The following ZNF469 variants were observed in gnomAD, a reference collection of about 807,000 sequenced individuals.
ZNF469 encodes the protein zinc finger protein 469.
Under a neutral mutation model 1.0 loss-of-function variants are expected in ZNF469, and 1 was observed. That is an observed-to-expected ratio of 1.00 (90% CI 0.35 to 4.73). The LOEUF is 4.73. ZNF469 is among the 30% of genes most tolerant of loss of function. ZNF469 has a pLI of 0.16. For missense variants in ZNF469, 6,100 were observed against 5,356.3 expected (o/e 1.14, Z -4.33); for synonymous variants, 2,703 against 2,363.4 (o/e 1.14, Z -4.17).
the ZNF469 span, among the ~76,000 whole-genome samples, chr16:88,242,637 T>C: frequency 1.8e-4 from 27 of 152,344 alleles, 1 homozygote; most frequent in East Asian, 7.7e-4. Context: ...CCAGAGCAGA[T>C]GGGAGGAAGC....
the ZNF469 span, among the ~76,000 whole-genome samples, chr16:88,283,598 G>A: frequency 6.6e-6 from 1 of 152,224 alleles, no homozygotes; most frequent in East Asian, 1.9e-4. Flanking sequence ...CTAGGTGGTG[G>A]GTTGGGGGTA....
intron 1 of ZNF469, among the ~76,000 whole-genome samples, chr16:88,411,547 TG>T (rs1905168711): frequency 7.5e-6 from 1 of 134,202 alleles, no homozygotes; most frequent in South Asian, 2.2e-4. Context: ...GGTGTGAGCA[TG>T]GCTCTCCCGC....
chr16:88,402,325 A>G (rs977038726), intron 1 of ZNF469, among the ~76,000 whole-genome samples: 10 of 152,144 alleles, frequency 6.6e-5, no homozygotes, highest in Admixed American at 6.5e-5. Flanking sequence ...CAGGAAGCAG[A>G]TTCACCCAGG....
At chr16:88,162,580 A>G in the ZNF469 span, among the ~76,000 whole-genome samples, 1 of 152,250 alleles carries the variant, frequency 6.6e-6, no homozygotes, top group Non-Finnish European at 1.5e-5. Context: ...GAACTGTTTT[A>G]TAAGTCTGCC....
At chr16:88,354,912 C>T in the ZNF469 span, among the ~76,000 whole-genome samples, 1 of 152,176 alleles carries the variant, frequency 6.6e-6, no homozygotes, top group South Asian at 2.1e-4. Context: ...GGAGTCGAGT[C>T]GAGTCCAGGG....
intron 1 of ZNF469, among the ~76,000 whole-genome samples, chr16:88,398,128 C>G (rs925398532): frequency 6.6e-6 from 1 of 152,270 alleles, no homozygotes; most frequent in Non-Finnish European, 1.5e-5. Context: ...CCTCTGATCC[C>G]TGCTCCCTGC....
the ZNF469 span, among the ~76,000 whole-genome samples, chr16:88,185,135 AC>A: frequency 2.6e-5 from 1 of 38,588 alleles, no homozygotes; most frequent in African/African-American, 5.6e-5. Flanking sequence ...ATATCCAGAC[AC>A]CCATGTGCAC....
chr16:88,161,421 A>G, the ZNF469 span, among the ~76,000 whole-genome samples: 1 of 152,196 alleles, frequency 6.6e-6, no homozygotes, highest in African/African-American at 2.4e-5. Flanking sequence ...GTAGAAGCGG[A>G]TGTTTCAGGA....
the ZNF469 span, among the ~76,000 whole-genome samples, chr16:88,257,856 G>C: frequency 7.9e-5 from 12 of 152,134 alleles, no homozygotes; most frequent in Non-Finnish European, 8.8e-5. Flanking sequence ...TGGAAACTGA[G>C]TTATGTATGA....
the ZNF469 span, among the ~76,000 whole-genome samples, chr16:88,244,096 G>T: frequency 6.8e-6 from 1 of 146,712 alleles, no homozygotes. Flanking sequence ...TAGGTAGATG[G>T]CTGAATGGGT....
chr16:88,310,693 C>A, the ZNF469 span, among the ~76,000 whole-genome samples: 1 of 152,272 alleles, frequency 6.6e-6, no homozygotes, highest in South Asian at 2.1e-4. Context: ...AGCGATTCTC[C>A]TGCCTCAACC....
the ZNF469 span, among the ~76,000 whole-genome samples, chr16:88,193,138 GTGATGGTGGTGGGGA>G: frequency 0.71 from 47,946 of 67,286 alleles, 18,592 homozygotes; most frequent in East Asian, 0.86. Flanking sequence ...GGTGATGGTG[GTGATGGTGGTGGGGA>G]TGGTGGTGAT....
the ZNF469 span, among the ~76,000 whole-genome samples, chr16:88,355,469 G>T: frequency 6.6e-6 from 1 of 152,348 alleles, no homozygotes; most frequent in African/African-American, 2.4e-5. Context: ...CTGGCCTGAA[G>T]GATGGGGAGA....
intron 1 of ZNF469, among the ~76,000 whole-genome samples, chr16:88,399,454 G>A (rs1024972017): frequency 1.3e-5 from 2 of 152,228 alleles, no homozygotes; most frequent in South Asian, 4.2e-4. Flanking sequence ...TGGGCCCACA[G>A]GTTACACAAG....
At chr16:88,300,931 G>T in the ZNF469 span, among the ~76,000 whole-genome samples, 1 of 152,062 alleles carries the variant, frequency 6.6e-6, no homozygotes, top group Non-Finnish European at 1.5e-5. Flanking sequence ...CAATCGTGGG[G>T]GCAGGTGCCT....
chr16:88,367,894 A>G, the ZNF469 span, among the ~76,000 whole-genome samples: 1 of 152,226 alleles, frequency 6.6e-6, no homozygotes, highest in Non-Finnish European at 1.5e-5. Context: ...CTGCTGAACC[A>G]GTGAACCTGG....
chr16:88,120,602 G>C, the ZNF469 span, among the ~76,000 whole-genome samples: 1 of 152,220 alleles, frequency 6.6e-6, no homozygotes, highest in Non-Finnish European at 1.5e-5. Flanking sequence ...CCCTCAACCA[G>C]GGACGGAGCC....
At chr16:88,180,141 A>ATG in the ZNF469 span, among the ~76,000 whole-genome samples, 1 of 152,138 alleles carries the variant, frequency 6.6e-6, no homozygotes, top group Non-Finnish European at 1.5e-5. Flanking sequence ...AAAGTACTTG[A>ATG]TCCAATAGAA....
chr16:88,410,662 T>A (rs1905132195), intron 1 of ZNF469, among the ~76,000 whole-genome samples: 1 of 149,886 alleles, frequency 6.7e-6, no homozygotes, highest in African/African-American at 2.5e-5. Context: ...ATGGTGCAAG[T>A]CACGTGGTCA....
Sources: gnomAD v4.1 joint callset for allele counts (sites outside exome capture counted in the v4.1 genomes callset) on GRCh38, gnomAD v4.1.1 for gene constraint, MANE v1.5 for transcripts, NCBI Gene and HGNC (gene_info 2026-07-23, HGNC 2026-07-21) for gene names.